Variants in HAPLN3 observed in about 807,000 individuals in gnomAD.
HAPLN3 encodes the protein extracellular link domain containing, 1.
HAPLN3 carries 28 observed loss-of-function variants against 28.1 expected under a neutral mutation model. The observed-to-expected ratio is 1.00, with a 90% confidence interval of 0.74 to 1.37. HAPLN3 has a LOEUF of 1.37. Among genes scored for constraint, HAPLN3 ranks in the 40% most tolerant of loss-of-function variants. The probability of loss-of-function intolerance (pLI) is 0.00; values close to 1 mark genes in which losing one functional copy is unlikely to be tolerated. For synonymous variants in HAPLN3, 211 were observed against 213.1 expected (o/e 0.99, Z 0.09); for missense variants, 513 against 504.6 (o/e 1.02, Z -0.16).
At position 88,887,311 on chromosome 15, in the gene HAPLN3, G is replaced by C; in HGVS notation, c.-13C>G. On this transcript the variant is annotated 5_prime_UTR_variant, in exon 2 of 5. Transcript: ENST00000359595. Reference sequence around the variant, plus strand: ...GCAACAGGCCCATCTCCTCATGCCAGGGTGACCCGGGCCAGGCTGGGGCCC... The same window carrying C: ...GCAACAGGCCCATCTCCTCATGCCACGGTGACCCGGGCCAGGCTGGGGCCC... The C allele has an allele frequency of 6.2e-7, 1 of 1,613,832 alleles. No individual in the cohort carries two copies. Among genetic ancestry groups the C allele is most frequent in the Non-Finnish European group, 8.5e-7 (1 of 1,179,800 alleles).
intron 1 of HAPLN3, among the ~76,000 whole-genome samples, chr15:88,890,262 A>T (rs1347084245): frequency 1.3e-5 from 2 of 152,216 alleles, no homozygotes; most frequent in African/African-American, 4.8e-5. Flanking sequence ...TGTGCTGTGC[A>T]CTGCAGCCAG....
rs148874901 is a variant in HAPLN3 at position 88,888,640 on chromosome 15, C to T, written c.-47-1295G>A. On this transcript the variant is annotated intron_variant, in intron 1 of 4. Transcript: ENST00000359595. This position sits in a 1 kb window ranked among gnomAD's most constrained non-coding sequence, Gnocchi z 4.1. ...AGCCCTGCTCACCTGCCATTTACTG[C>T]GTGCTCTCAACAATTAAAAGATGGG... Among the ~76,000 whole-genome samples the T allele has an allele frequency of 3.6e-3, 549 of 152,282 alleles. 25 individuals are homozygous for T. The South Asian group carries it at 0.092, about 25-fold the overall frequency.
intron 1 of HAPLN3, chr15:88,893,163 C>T (rs957839884): frequency 1.1e-4 from 76 of 700,282 alleles, no homozygotes; most frequent in Non-Finnish European, 1.7e-4. Context: ...CACCTGTAAT[C>T]CTACAGCATT....
intron 1 of HAPLN3, among the ~76,000 whole-genome samples, chr15:88,892,350 CA>C (rs930137255): frequency 1.3e-5 from 2 of 151,804 alleles, no homozygotes; most frequent in Non-Finnish European, 1.5e-5. Context: ...CCAGCTACTC[CA>C]GAGGCTGAGG....
rs374489536 is a variant in HAPLN3, at chr15:88,881,609, G to A, written c.241C>T (p.Pro81Ser). The change falls in exon 3 of 5, where the codon CCG (proline) becomes TCG (serine). Residue 81 changes from proline to serine, a missense_variant. By Grantham distance (74) the Pro-to-Ser change is moderately conservative. Transcript: ENST00000359595. The surrounding 1 kb of genome is among the most constrained non-coding windows in gnomAD (Gnocchi z 6.0). ...CACCATTTGACACGCACACGCCGCG[G>A]GGAGACCAGGGCCGGCTCGTAGCGG... is the stretch of plus-strand genomic sequence containing the variant. ...RYRYEPALVSPRRVRVKWWKL... is the reference protein window; with the variant it reads ...RYRYEPALVSSRRVRVKWWKL... The A allele has an allele frequency of 5.0e-6, 8 of 1,613,980 alleles. No individual in the cohort carries two copies. In the African/African-American group the frequency reaches 1.1e-4, roughly 22 times the overall value.
At position 88,880,625 on chromosome 15, in the gene HAPLN3, G is replaced by T. The variant is rs1336335815; in HGVS notation, c.493+732C>A. 1.6e-6 allele frequency: 2 copies of T among 1,287,116 alleles called. No individual in the cohort carries two copies. Among genetic ancestry groups the T allele is most frequent in the East Asian group, 1.1e-4 (2 of 17,972 alleles). The allele number at this position is 1,287,116 out of a possible 1,614,324, so 79.7% of individuals were successfully genotyped here. A position where few individuals can be genotyped will look rare whatever the true frequency, so the allele number is the denominator to read the frequency against. On this transcript the variant is annotated intron_variant, in intron 3 of 4. Transcript: ENST00000359595. The surrounding 1 kb of genome is among the most constrained non-coding windows in gnomAD (Gnocchi z 6.0). ...ACAGCCCCATCCTAGAGACAGAGAA[G>T]GTAAATACAAATTAAAGATCAAACA...
At chr15:88,884,845 A>AGCCTGCAGTGAGGCAGC (rs1897803707) in intron 2 of HAPLN3, among the ~76,000 whole-genome samples, 1 of 152,150 alleles carries the variant, frequency 6.6e-6, no homozygotes, top group African/African-American at 2.4e-5. Context: ...AAGGAGGCAG[A>AGCCTGCAGTGAGGCAGC]GCCTGCAGTG....
chr15:88,893,788 T>C (rs6496530), intron 1 of HAPLN3, among the ~76,000 whole-genome samples: 95,892 of 151,324 alleles, frequency 0.63, 31,474 homozygotes, highest in African/African-American at 0.81. Context: ...ATTAGCCGAG[T>C]GTGGTGATGA....
At position 88,888,569 on chromosome 15, in the gene HAPLN3, C is replaced by T. The variant is rs773914688; in HGVS notation, c.-47-1224G>A. ...TTTCTAGCAAACTCCCTTCCTCCCC[C>T]GCTTAAATCTCACACCAAGGGCTAC... On this transcript the variant is annotated intron_variant, in intron 1 of 4. Transcript: ENST00000359595. This position sits in a 1 kb window ranked among gnomAD's most constrained non-coding sequence, Gnocchi z 4.1. Among the ~76,000 whole-genome samples, 4 of 152,100 alleles carry T rather than the reference C, an allele frequency of 2.6e-5. No individual in the cohort carries two copies. The highest frequency in any genetic ancestry group is 2.1e-4 in the South Asian group (1 of 4,824).
chr15:88,890,884 C>CTTTTT (rs58694396), intron 1 of HAPLN3, among the ~76,000 whole-genome samples: 1 of 148,128 alleles, frequency 6.8e-6, no homozygotes, highest in Non-Finnish European at 1.5e-5. Context: ...TTTTTTGCAT[C>CTTTTT]TTTTTTTTTT....
intron 1 of HAPLN3, among the ~76,000 whole-genome samples, chr15:88,889,022 T>C (rs1166001703): frequency 6.6e-6 from 1 of 152,136 alleles, no homozygotes; most frequent in Admixed American, 6.6e-5. Flanking sequence ...ATTGAGCCAA[T>C]GGGAGGCACT....
At position 88,877,966 on chromosome 15, in the gene HAPLN3, G is replaced by C; in HGVS notation, c.*4C>G. The C allele has an allele frequency of 6.3e-7, 1 of 1,587,920 alleles. No homozygotes were observed. The highest frequency in any genetic ancestry group is 8.6e-7 in the Non-Finnish European group (1 of 1,165,148). The stretch of plus-strand genomic sequence containing the variant: ...GGGAATGCGGCAGGGGAGGGCCCCA[G>C]GTCCTAGTGCTGGCGGTAGCAGTAA... On this transcript the variant is annotated 3_prime_UTR_variant, in exon 5 of 5. Coordinates refer to ENST00000359595, the MANE Select transcript of HAPLN3 (RefSeq NM_178232.4). This position sits in a 1 kb window ranked among gnomAD's most constrained non-coding sequence, Gnocchi z 5.1.
chr15:88,878,114 AGC>A lies in HAPLN3; in HGVS notation c.937_938del (p.Ala313TrpfsTer7), dbSNP rs1897583200. On this transcript the variant is annotated frameshift_variant, in exon 5 of 5. Coordinates refer to ENST00000359595, the MANE Select transcript of HAPLN3 (RefSeq NM_178232.4). LOFTEE classifies it low-confidence loss of function (END_TRUNC). ...WKFHGLDRCD[A>X]GWLADGSVRY... ...GGACGCTACCATCTGCCAGCCAGCC[AGC>A]GTCGCAGCGGTCCAGGCCATGGAAC... The A allele has an allele frequency of 6.2e-7, 1 of 1,614,000 alleles. No homozygotes were observed. Among genetic ancestry groups the A allele is most frequent in the African/African-American group, 1.3e-5 (1 of 74,930 alleles).
At chr15:88,886,934 A>T (rs1897873504) in intron 2 of HAPLN3, among the ~76,000 whole-genome samples, 1 of 152,222 alleles carries the variant, frequency 6.6e-6, no homozygotes, top group South Asian at 2.1e-4. Flanking sequence ...AACAACTGGC[A>T]AGACTTTTAG....
At chr15:88,883,798 C>A (rs1040380400) in intron 2 of HAPLN3, among the ~76,000 whole-genome samples, 1 of 152,220 alleles carries the variant, frequency 6.6e-6, no homozygotes, top group Non-Finnish European at 1.5e-5. Context: ...AATGGCTCAG[C>A]TAGGTGCAGT....
Position 88,879,079 on chromosome 15 carries a change from C to T in HAPLN3, c.684G>A (p.Leu228=), listed in dbSNP as rs766663141. 2 of 1,609,232 alleles carry T rather than the reference C, an allele frequency of 1.2e-6. No individual in the cohort carries two copies. The highest frequency in any genetic ancestry group is 2.7e-5 in the African/African-American group (2 of 74,862). The change falls in exon 4 of 5, where the codon TTG becomes TTA. Residue 228 remains leucine, a synonymous_variant. Transcript: ENST00000359595. This position sits in a 1 kb window ranked among gnomAD's most constrained non-coding sequence, Gnocchi z 5.0. ...CCGGGCCACCGCAGGGCTGCCGGGG[C>T]AACATGATGGGGTACTGCACCGTGG... The part of the protein sequence containing the change: ...QDATVQYPIM[L]PRQPCGGPGL...
chr15:88,893,129 C>G, intron 1 of HAPLN3: 1 of 746,752 alleles, frequency 1.3e-6, no homozygotes. Context: ...AAAAAAGGAA[C>G]TTAAGGCCGG....
rs1278389493 is a variant in HAPLN3, at chr15:88,892,827, A to C, written c.-48+2632T>G. ...TTGGTTGCTGCCTTGCCTCAGGTCC[A>C]TCTCTGACCATCCCTGACCACTACC... On this transcript the variant is annotated intron_variant, in intron 1 of 4. Coordinates refer to ENST00000359595, the MANE Select transcript of HAPLN3 (RefSeq NM_178232.4). The C allele has an allele frequency of 4.6e-6, 4 of 862,898 alleles. No individual in the cohort carries two copies. The Admixed American group carries it at 1.1e-4, about 24-fold the overall frequency. The allele number at this position is 862,898 out of a possible 1,614,324, so 53.5% of individuals were successfully genotyped here. A position where few individuals can be genotyped will look rare whatever the true frequency, so the allele number is the denominator to read the frequency against.
At chr15:88,886,228 G>T (rs905368519) in intron 2 of HAPLN3, among the ~76,000 whole-genome samples, 1 of 151,434 alleles carries the variant, frequency 6.6e-6, no homozygotes, top group Admixed American at 6.6e-5. Context: ...GCAGATGCCT[G>T]TAATCCCAGC....
Sources: gnomAD v4.1 joint callset for allele counts (sites outside exome capture counted in the v4.1 genomes callset) on GRCh38, gnomAD v4.1.1 for gene constraint, Gnocchi (gnomAD v3.1) non-coding constraint, MANE v1.5 for transcripts, NCBI Gene and HGNC (gene_info 2026-07-23, HGNC 2026-07-21) for gene names.